The following CACNA2D3 variants were observed in gnomAD, a reference collection of about 807,000 sequenced individuals.
CACNA2D3 encodes the protein voltage-dependent calcium channel subunit alpha-2/delta-3.
CACNA2D3 carries 60 observed loss-of-function variants against 160.6 expected under a neutral mutation model. The observed-to-expected ratio is 0.37, with a 90% confidence interval of 0.30 to 0.46. CACNA2D3 has a LOEUF of 0.46. Among genes scored for constraint, CACNA2D3 ranks in the 20% least tolerant of loss-of-function variants. CACNA2D3 has a pLI of 1.00. For missense variants in CACNA2D3, 1,205 were observed against 1,365.0 expected (o/e 0.88, Z 1.85); for synonymous variants, 558 against 492.9 (o/e 1.13, Z -1.75).
chr3:54,495,281 T>C (rs1452648976), intron 4 of CACNA2D3, among the ~76,000 whole-genome samples: 1 of 152,210 alleles, frequency 6.6e-6, no homozygotes, highest in Non-Finnish European at 1.5e-5. Context: ...ACTTGAGTTC[T>C]GTTTCTATAA....
chr3:55,025,982 A>G (rs963109810), intron 35 of CACNA2D3, among the ~76,000 whole-genome samples: 1 of 151,756 alleles, frequency 6.6e-6, no homozygotes, highest in African/African-American at 2.4e-5. Flanking sequence ...CATCACACCT[A>G]CAGAAAAGTG....
intron 4 of CACNA2D3, among the ~76,000 whole-genome samples, chr3:54,392,598 C>T (rs1699300415): frequency 6.6e-6 from 1 of 152,132 alleles, no homozygotes; most frequent in African/African-American, 2.4e-5. Context: ...ACACTTCCTC[C>T]TGGTCCTCAC....
At position 54,959,847 on chromosome 3, in the gene CACNA2D3, G is replaced by A. The variant is rs112022045; in HGVS notation, c.2450-8603G>A. Among the ~76,000 whole-genome samples the A allele has an allele frequency of 6.6e-5, 10 of 152,172 alleles. 1 individual carries two copies. The highest frequency in any genetic ancestry group is 2.0e-4 in the Admixed American group (3 of 15,296). ...ACAAAAACAATTTGATGCTAGCTCCGGCAGCCTGGGAAAGCTGAGGGAATA... is the reference window on the plus strand; with the variant it reads ...ACAAAAACAATTTGATGCTAGCTCCAGCAGCCTGGGAAAGCTGAGGGAATA... On this transcript the variant is annotated intron_variant, in intron 27 of 37. Transcript: ENST00000474759.
rs545312241 is a variant in CACNA2D3, at chr3:54,987,402, A to G, written c.2620-281A>G. On this transcript the variant is annotated intron_variant, in intron 30 of 37. Transcript: ENST00000474759. The stretch of plus-strand genomic sequence containing the variant: ...CTACTCCATCCAAGGGTAGTGGGGT[A>G]TGTGTGTGTGCACATGTGTGTGCAT... 3.9e-5 allele frequency among the ~76,000 whole-genome samples: 6 copies of G among 152,232 alleles called. No individual in the cohort carries two copies. The South Asian group carries it at 1.0e-3, about 26-fold the overall frequency.
At chr3:54,370,487 A>T (rs1000588039) in intron 3 of CACNA2D3, among the ~76,000 whole-genome samples, 2 of 152,202 alleles carry the variant, frequency 1.3e-5, no homozygotes, top group Admixed American at 6.5e-5. Flanking sequence ...TGCTTAAAGG[A>T]GATTTCAGTC....
chr3:54,872,381 C>T (rs1699555321), intron 18 of CACNA2D3, among the ~76,000 whole-genome samples: 1 of 152,134 alleles, frequency 6.6e-6, no homozygotes, highest in Non-Finnish European at 1.5e-5. Context: ...TGGGTCCCTA[C>T]TCTTCCCTTT....
At chr3:54,283,165 T>A (rs530046619) in intron 2 of CACNA2D3, among the ~76,000 whole-genome samples, 1 of 152,318 alleles carries the variant, frequency 6.6e-6, no homozygotes, top group South Asian at 2.1e-4. Flanking sequence ...GAAGTAATGT[T>A]GTCCAAAGAG....
chr3:54,889,893 A>G (rs931436094), intron 24 of CACNA2D3, among the ~76,000 whole-genome samples: 1 of 152,156 alleles, frequency 6.6e-6, no homozygotes, highest in African/African-American at 2.4e-5. Flanking sequence ...ATTCATTCCT[A>G]ACACATACTA....
intron 5 of CACNA2D3, among the ~76,000 whole-genome samples, chr3:54,508,009 A>G (rs1012019908): frequency 2.0e-5 from 3 of 152,232 alleles, no homozygotes; most frequent in Admixed American, 6.5e-5. Flanking sequence ...CTAATCACCC[A>G]GGTGATGGCA....
intron 5 of CACNA2D3, among the ~76,000 whole-genome samples, chr3:54,555,101 C>T (rs1702223039): frequency 6.6e-6 from 1 of 152,038 alleles, no homozygotes; most frequent in African/African-American, 2.4e-5. Context: ...GTCTCAAACT[C>T]CTGAGCTCAA....
chr3:54,751,120 AAAAAC>A (rs909414395), intron 11 of CACNA2D3, among the ~76,000 whole-genome samples: 3 of 152,044 alleles, frequency 2.0e-5, no homozygotes, highest in Non-Finnish European at 4.4e-5. Flanking sequence ...TCCCAATTTA[AAAAAC>A]AAAACAAAAC....
intron 2 of CACNA2D3, among the ~76,000 whole-genome samples, chr3:54,147,065 A>G (rs1014042814): frequency 6.6e-5 from 10 of 152,262 alleles, no homozygotes; most frequent in African/African-American, 1.9e-4. Context: ...ATCAGAACCC[A>G]TACCTTTTTC....
At chr3:54,179,866 A>G (rs1047515553) in intron 2 of CACNA2D3, among the ~76,000 whole-genome samples, 11 of 152,252 alleles carry the variant, frequency 7.2e-5, no homozygotes, top group African/African-American at 2.4e-4. Context: ...TGAGACGTGT[A>G]TGTCTGTTTT....
intron 27 of CACNA2D3, among the ~76,000 whole-genome samples, chr3:54,946,036 A>C (rs145383815): frequency 2.7e-4 from 41 of 152,332 alleles, no homozygotes; most frequent in Admixed American, 1.5e-3. Context: ...CTGCCTCATT[A>C]TCACATTTCC....
intron 4 of CACNA2D3, among the ~76,000 whole-genome samples, chr3:54,446,557 T>C (rs142201254): frequency 6.6e-6 from 1 of 152,218 alleles, no homozygotes; most frequent in Admixed American, 6.5e-5. Flanking sequence ...CCAGAATTGA[T>C]GGGTATTCAC....
intron 4 of CACNA2D3, among the ~76,000 whole-genome samples, chr3:54,425,734 G>A (rs1217124957): frequency 1.3e-5 from 2 of 152,250 alleles, no homozygotes; most frequent in African/African-American, 4.8e-5. Context: ...CCAGCACTGA[G>A]TTCCAGACTC....
At chr3:54,123,163 G>C (rs56238522) in intron 1 of CACNA2D3, among the ~76,000 whole-genome samples, 2 of 136,816 alleles carry the variant, frequency 1.5e-5, no homozygotes, top group African/African-American at 5.0e-5. Context: ...CTTTTTTTGG[G>C]GGGGGGATGG....
chr3:54,149,653 G>A (rs1054839193), intron 2 of CACNA2D3, among the ~76,000 whole-genome samples: 3 of 152,132 alleles, frequency 2.0e-5, no homozygotes, highest in Non-Finnish European at 4.4e-5. Flanking sequence ...CAGTGGCTGG[G>A]TGGTCTCATC....
At chr3:54,621,263 T>C (rs1698982349) in intron 9 of CACNA2D3, among the ~76,000 whole-genome samples, 2 of 152,006 alleles carry the variant, frequency 1.3e-5, no homozygotes, top group Non-Finnish European at 2.9e-5. Context: ...TCACAGAGAG[T>C]CATCAGTATG....
Sources: allele counts gnomAD v4.1 joint callset (sites outside exome capture counted in the v4.1 genomes callset), GRCh38; gene constraint gnomAD v4.1.1; transcripts MANE v1.5; gene names NCBI Gene and HGNC (gene_info 2026-07-23, HGNC 2026-07-21).